Variants in ARB2A observed in about 807,000 individuals in gnomAD.
The protein encoded by ARB2A is cotranscriptional regulator ARB2A.
chr5:93,828,712 C>T, the ARB2A span, among the ~76,000 whole-genome samples: 1 of 152,162 alleles, frequency 6.6e-6, no homozygotes. Context: ...TGCCAAGTTA[C>T]TCACTCCCTG....
the ARB2A span, among the ~76,000 whole-genome samples, chr5:93,655,890 A>C: frequency 1.3e-5 from 2 of 152,130 alleles, no homozygotes; most frequent in African/African-American, 2.4e-5. Context: ...TATCCTGTTA[A>C]ATGTTTGTTG....
the ARB2A span, among the ~76,000 whole-genome samples, chr5:93,980,056 A>G: frequency 2.0e-5 from 3 of 152,038 alleles, no homozygotes; most frequent in African/African-American, 7.2e-5. Flanking sequence ...TTGTTGCTTT[A>G]TATAGCTAAA....
the ARB2A span, chr5:93,682,706 C>G: frequency 3.1e-6 from 2 of 636,322 alleles, no homozygotes; most frequent in Non-Finnish European, 5.6e-6. Flanking sequence ...GGCAATAGAA[C>G]CTGGACAACA....
the ARB2A span, among the ~76,000 whole-genome samples, chr5:93,897,190 A>G: frequency 6.6e-6 from 1 of 152,046 alleles, no homozygotes; most frequent in Non-Finnish European, 1.5e-5. Context: ...ACAAAAAGTT[A>G]TAATTTTCAT....
the ARB2A span, among the ~76,000 whole-genome samples, chr5:93,672,868 A>G: frequency 6.6e-6 from 1 of 152,154 alleles, no homozygotes; most frequent in Non-Finnish European, 1.5e-5. Flanking sequence ...GGCTCTTTTA[A>G]TCATATCACC....
chr5:93,932,412 G>T, the ARB2A span, among the ~76,000 whole-genome samples: 6 of 152,168 alleles, frequency 3.9e-5, no homozygotes, highest in African/African-American at 1.4e-4. Context: ...TGGTGCCATA[G>T]AAATGCAAAT....
chr5:93,880,017 G>T, the ARB2A span, among the ~76,000 whole-genome samples: 1 of 151,776 alleles, frequency 6.6e-6, no homozygotes, highest in East Asian at 1.9e-4. Context: ...AGAGAAGATG[G>T]TAACATCATG....
chr5:93,814,593 A>G, the ARB2A span, among the ~76,000 whole-genome samples: 1 of 152,218 alleles, frequency 6.6e-6, no homozygotes, highest in Non-Finnish European at 1.5e-5. Context: ...GGACCTTAAC[A>G]TAATGACCTC....
the ARB2A span, among the ~76,000 whole-genome samples, chr5:93,985,837 G>A: frequency 1.6e-4 from 24 of 152,256 alleles, no homozygotes; most frequent in South Asian, 1.0e-3. Flanking sequence ...CCTCTGCCCC[G>A]CCGCCACCCC....
At chr5:93,893,071 A>G in the ARB2A span, among the ~76,000 whole-genome samples, 4 of 152,186 alleles carry the variant, frequency 2.6e-5, no homozygotes, top group Non-Finnish European at 4.4e-5. Context: ...ATGAAAATAC[A>G]TGGTTCTTTT....
chr5:93,854,309 T>G, the ARB2A span, among the ~76,000 whole-genome samples: 20 of 152,212 alleles, frequency 1.3e-4, no homozygotes, highest in Admixed American at 6.5e-5. Context: ...TGGCATCCCC[T>G]TTATCATTTT....
the ARB2A span, among the ~76,000 whole-genome samples, chr5:93,986,724 G>A: frequency 1.7e-4 from 26 of 152,220 alleles, no homozygotes; most frequent in African/African-American, 4.6e-4. Flanking sequence ...CCCCCAACCC[G>A]GTGCTCTCGG....
At chr5:93,951,742 GA>G in the ARB2A span, among the ~76,000 whole-genome samples, 1 of 152,250 alleles carries the variant, frequency 6.6e-6, no homozygotes, top group East Asian at 1.9e-4. Flanking sequence ...GATATAATGT[GA>G]AGTCAAGTGA....
the ARB2A span, among the ~76,000 whole-genome samples, chr5:93,832,208 A>C: frequency 6.6e-6 from 1 of 152,144 alleles, no homozygotes; most frequent in Non-Finnish European, 1.5e-5. Flanking sequence ...TGGCGTGTTA[A>C]CTTAGGAGTG....
the ARB2A span, among the ~76,000 whole-genome samples, chr5:93,860,113 T>A: frequency 6.6e-6 from 1 of 152,018 alleles, no homozygotes; most frequent in Non-Finnish European, 1.5e-5. Flanking sequence ...ACCAAGATGG[T>A]GAAACCCCGT....
the ARB2A span, among the ~76,000 whole-genome samples, chr5:93,903,298 A>AT: frequency 2.0e-5 from 3 of 152,016 alleles, no homozygotes; most frequent in Non-Finnish European, 4.4e-5. Flanking sequence ...TGATTACTGG[A>AT]TAAAAAAAGC....
the ARB2A span, among the ~76,000 whole-genome samples, chr5:93,947,654 T>G: frequency 2.5e-4 from 34 of 137,446 alleles, no homozygotes; most frequent in Middle Eastern, 3.5e-3. Flanking sequence ...CTCCTAATGC[T>G]ATCCCTCCCC....
At chr5:94,021,098 C>T in the ARB2A span, among the ~76,000 whole-genome samples, 5 of 152,112 alleles carry the variant, frequency 3.3e-5, 1 homozygote, top group South Asian at 1.0e-3. Flanking sequence ...TTCAAACTGC[C>T]TCCACGACTA....
chr5:93,913,360 G>A, the ARB2A span, among the ~76,000 whole-genome samples: 2 of 151,828 alleles, frequency 1.3e-5, no homozygotes, highest in African/African-American at 4.8e-5. Flanking sequence ...AGGGAGCAAG[G>A]GGTCATGTTC....
Sources: allele counts gnomAD v4.1 joint callset (sites outside exome capture counted in the v4.1 genomes callset), GRCh38; gene constraint gnomAD v4.1.1; transcripts MANE v1.5; gene names NCBI Gene and HGNC (gene_info 2026-07-23, HGNC 2026-07-21).